Variants in FMNL2 observed in about 807,000 individuals in gnomAD.
The protein encoded by FMNL2 is formin like 2, also known as formin-like protein 2.
FMNL2 carries 51 observed loss-of-function variants against 130.2 expected under a neutral mutation model. The observed-to-expected ratio is 0.39, with a 90% CI of 0.31 to 0.49. The LOEUF is 0.49. FMNL2 is among the 20% of genes least tolerant of loss of function. The probability of loss-of-function intolerance (pLI) is 0.85; values close to 1 mark genes in which losing one functional copy is unlikely to be tolerated. For missense variants in FMNL2, 977 were observed against 1,316.2 expected (o/e 0.74, Z 3.99); for synonymous variants, 465 against 467.1 (o/e 1.00, Z 0.06).
intron 1 of FMNL2, among the ~76,000 whole-genome samples, chr2:152,468,143 CT>C (rs1689657337): frequency 6.6e-6 from 1 of 152,314 alleles, no homozygotes; most frequent in Admixed American, 6.5e-5. Context: ...GCACTGATAC[CT>C]TTATTTGAGG....
intron 1 of FMNL2, among the ~76,000 whole-genome samples, chr2:152,468,138 G>T (rs549005265): frequency 6.6e-6 from 1 of 152,210 alleles, no homozygotes; most frequent in Non-Finnish European, 1.5e-5. Context: ...GTGTAGCACT[G>T]ATACCTTTAT....
intron 1 of FMNL2, among the ~76,000 whole-genome samples, chr2:152,395,224 G>A (rs986103784): frequency 3.9e-5 from 6 of 152,216 alleles, no homozygotes; most frequent in East Asian, 1.9e-4. Flanking sequence ...GGAAATGTCT[G>A]TATATTCAGC....
At chr2:152,414,754 C>G (rs1686512689) in intron 1 of FMNL2, among the ~76,000 whole-genome samples, 2 of 152,204 alleles carry the variant, frequency 1.3e-5, no homozygotes. Context: ...CACCTTCTAC[C>G]AGTCCTTCCT....
intron 1 of FMNL2, among the ~76,000 whole-genome samples, chr2:152,440,151 C>T (rs181151204): frequency 5.3e-5 from 8 of 152,232 alleles, no homozygotes; most frequent in Non-Finnish European, 8.8e-5. Context: ...CACCAGGTCT[C>T]GCTATGTTGC....
rs115535182 is a variant in FMNL2 at position 152,610,978 on chromosome 2, T to G, written c.952-517T>G. On this transcript the variant is annotated intron_variant, in intron 10 of 25. Transcript: ENST00000288670. ...GTATTTCTTTTTTATTATAGCCATC[T>G]GAGTGGGTGCGAAGTGGTGTCTTAT... Among the ~76,000 whole-genome samples the G allele has an allele frequency of 3.8e-3, 586 of 152,364 alleles. 4 individuals carry two copies. Among genetic ancestry groups the G allele is most frequent in the African/African-American group, 0.014 (563 of 41,590 alleles).
At position 152,611,539 on chromosome 2, in the gene FMNL2, A is replaced by C. The variant is rs1455646183; in HGVS notation, c.996A>C (p.Glu332Asp). 6.2e-7 allele frequency: 1 copy of C among 1,602,162 alleles called. No homozygotes were observed. Among genetic ancestry groups the C allele is most frequent in the Non-Finnish European group, 8.5e-7 (1 of 1,173,350 alleles). ...QFINIVVHSV[E>D]DMNFRVHLQY... ...TTAATATTGTAGTCCATTCAGTAGA[A>C]GATATGAATTTCAGAGTTCACCTGC... Residue 332 changes from glutamate (E) to aspartate (D), a missense_variant, in exon 11 of 26, where the codon GAA (glutamate) becomes GAC (aspartate). By Grantham distance (45) the Glu-to-Asp change is conservative. Around this residue, in one of 4 missense-constraint regions of FMNL2, gnomAD observed 689 missense variants for 995.9 expected, o/e 0.69. Coordinates refer to ENST00000288670, the MANE Select transcript of FMNL2 (RefSeq NM_052905.4).
At chr2:152,493,860 T>G (rs1691352394) in intron 1 of FMNL2, among the ~76,000 whole-genome samples, 1 of 152,234 alleles carries the variant, frequency 6.6e-6, no homozygotes, top group African/African-American at 2.4e-5. Flanking sequence ...ACAAATGGAC[T>G]AAGACAAATA....
At chr2:152,536,683 G>A (rs1694010456) in intron 2 of FMNL2, among the ~76,000 whole-genome samples, 1 of 152,224 alleles carries the variant, frequency 6.6e-6, no homozygotes, top group African/African-American at 2.4e-5. Context: ...TAGAGCCAGT[G>A]ACTGTGTGGC....
intron 1 of FMNL2, among the ~76,000 whole-genome samples, chr2:152,502,892 A>ATGGAGGT (rs1297372775): frequency 1.3e-5 from 2 of 151,974 alleles, no homozygotes. Flanking sequence ...AGGAGAGGGT[A>ATGGAGGT]TGGAGGTTGG....
chr2:152,542,895 C>T, intron 3 of FMNL2, 76 bp downstream of exon 3: 1 of 1,479,036 alleles, frequency 6.8e-7, no homozygotes, highest in South Asian at 1.2e-5. Context: ...TGGAAGAGAC[C>T]TTCCTTCCTC....
intron 4 of FMNL2, among the ~76,000 whole-genome samples, chr2:152,557,509 G>A (rs1695292704): frequency 6.6e-6 from 1 of 152,240 alleles, no homozygotes; most frequent in African/African-American, 2.4e-5. Flanking sequence ...GGCTGGGTTT[G>A]CATCATGGAG....
At position 152,637,693 on chromosome 2, in the gene FMNL2, C is replaced by T. The variant is rs1056012954; in HGVS notation, c.2946+19C>T. 3.7e-6 allele frequency: 6 copies of T among 1,605,224 alleles called. No individual in the cohort carries two copies. The African/African-American group carries it at 5.4e-5, about 14-fold the overall frequency. On this transcript the variant is annotated intron_variant, in intron 23 of 25. Coordinates refer to ENST00000288670, the MANE Select transcript of FMNL2 (RefSeq NM_052905.4). ...ATATAAGGTATATGTTAAGGCCCTC[C>T]TTGCCCTTATTTCTCAAGCAATTGC...
At chr2:152,508,693 A>C (rs535169876) in intron 1 of FMNL2, among the ~76,000 whole-genome samples, 2 of 152,190 alleles carry the variant, frequency 1.3e-5, no homozygotes, top group Non-Finnish European at 2.9e-5. Context: ...ACTGCTTTGT[A>C]GGAAAGAGAA....
At chr2:152,517,302 G>A (rs192508078) in intron 1 of FMNL2, among the ~76,000 whole-genome samples, 26 of 152,244 alleles carry the variant, frequency 1.7e-4, no homozygotes, top group Non-Finnish European at 3.2e-4. Context: ...AATTCATTAA[G>A]GATATTTGCA....
chr2:152,511,226 A>G (rs961918948), intron 1 of FMNL2, among the ~76,000 whole-genome samples: 2 of 152,058 alleles, frequency 1.3e-5, no homozygotes, highest in Non-Finnish European at 2.9e-5. Flanking sequence ...TTCCGCCCCC[A>G]CCTTTTGAAA....
rs147984163 is a variant in FMNL2 at position 152,526,939 on chromosome 2, G to A, written c.201+4913G>A. Among the ~76,000 whole-genome samples, 682 of 151,424 alleles carry A rather than the reference G, an allele frequency of 4.5e-3. 5 individuals carry two copies. Among genetic ancestry groups the A allele is most frequent in the African/African-American group, 0.015 (636 of 41,246 alleles). On this transcript the variant is annotated intron_variant, in intron 2 of 25. Transcript: ENST00000288670. The stretch of plus-strand genomic sequence containing the variant: ...AATATCTCCTGTTGTCCAGTTTATT[G>A]TTCTCAATTTTCCTTAAGATGTTCT...
At chr2:152,443,885 T>A (rs1025923205) in intron 1 of FMNL2, among the ~76,000 whole-genome samples, 1 of 151,936 alleles carries the variant, frequency 6.6e-6, no homozygotes, top group Admixed American at 6.6e-5. Context: ...AGAAACAGCA[T>A]CAGTTGCTGC....
intron 1 of FMNL2, among the ~76,000 whole-genome samples, chr2:152,454,119 C>CA (rs112585417): frequency 0.087 from 13,226 of 151,918 alleles, 860 homozygotes; most frequent in Admixed American, 0.21. Flanking sequence ...GCTAAAAATA[C>CA]AAAAAAATTT....
At chr2:152,563,443 T>A (rs1695645529) in intron 6 of FMNL2, among the ~76,000 whole-genome samples, 1 of 152,186 alleles carries the variant, frequency 6.6e-6, no homozygotes, top group Admixed American at 6.6e-5. Context: ...TTTGTTTTGT[T>A]TTTTAAACAA....
Sources: allele counts gnomAD v4.1 joint callset (sites outside exome capture counted in the v4.1 genomes callset), GRCh38; gene constraint gnomAD v4.1.1; regional missense constraint gnomAD v4.1.1; transcripts MANE v1.5; gene names NCBI Gene and HGNC (gene_info 2026-07-23, HGNC 2026-07-21).